Variants in DZIP3 observed in about 807,000 individuals in gnomAD.
The protein encoded by DZIP3 is DAZ interacting zinc finger protein 3.
DZIP3 carries 118 observed loss-of-function variants against 162.0 expected under a neutral mutation model. The ratio of observed to expected loss-of-function variants is 0.73; its 90% CI spans 0.63 to 0.85. The LOEUF is 0.85. Among genes scored for constraint, DZIP3 ranks in the 40% least tolerant of loss-of-function variants. The probability of loss-of-function intolerance (pLI) is 0.00; values close to 1 mark genes in which losing one functional copy is unlikely to be tolerated. For missense variants in DZIP3, 1,331 were observed against 1,407.0 expected (o/e 0.95, Z 0.86); for synonymous variants, 438 against 458.6 (o/e 0.96, Z 0.57).
rs148362932 is a variant in DZIP3, at chr3:108,594,290, G to A, written c.-73+4451G>A. Among the ~76,000 whole-genome samples, 250 of 151,124 alleles carry A rather than the reference G, an allele frequency of 1.7e-3. 1 individual carries two copies. Among genetic ancestry groups the A allele is most frequent in the African/African-American group, 5.7e-3 (235 of 41,124 alleles). ...ACTGTTGTCTTTATTAATTTCATCC[G>A]TATACATTCATCTTTTATTTACTTT... On this transcript the variant is annotated intron_variant, in intron 1 of 32. Transcript: ENST00000361582.
At chr3:108,628,179 T>TA (rs1220104590) in intron 7 of DZIP3, among the ~76,000 whole-genome samples, 2 of 151,976 alleles carry the variant, frequency 1.3e-5, no homozygotes, top group East Asian at 3.9e-4. Context: ...ACCCAGCCAG[T>TA]AGGGGAAGAT....
intron 1 of DZIP3, among the ~76,000 whole-genome samples, chr3:108,594,424 C>G (rs1164646714): frequency 8.6e-6 from 1 of 116,042 alleles, no homozygotes; most frequent in Non-Finnish European, 1.7e-5. Flanking sequence ...CCTCCCCCCT[C>G]CCTCCCTGCT....
intron 4 of DZIP3, 49 bp from the exon 5 acceptor site, chr3:108,616,492 G>A (rs1470269722): frequency 3.4e-6 from 4 of 1,189,658 alleles, no homozygotes; most frequent in Non-Finnish European, 4.9e-6. Flanking sequence ...AACATATGTA[G>A]ATGTTTGTTC....
Position 108,672,670 on chromosome 3 carries a change from G to C in DZIP3, c.2589+14G>C, listed in dbSNP as rs757269940. ...TTAACAGCCGAGGTAACAACAAAAC[G>C]GGGACAGGGGTATGGGGTGAGGGGA... On this transcript the variant is annotated intron_variant, in intron 23 of 32. Transcript: ENST00000361582. 6.2e-7 allele frequency: 1 copy of C among 1,605,742 alleles called. No homozygotes were observed. The highest frequency in any genetic ancestry group is 1.1e-5 in the South Asian group (1 of 90,660).
intron 32 of DZIP3, among the ~76,000 whole-genome samples, chr3:108,691,921 C>T (rs1372279873): frequency 6.6e-6 from 1 of 152,128 alleles, no homozygotes; most frequent in African/African-American, 2.4e-5. Context: ...TCTTTCTCCC[C>T]CATTCCTTTC....
intron 9 of DZIP3, 75 bp downstream of exon 9, chr3:108,633,147 AATT>A: frequency 4.5e-6 from 3 of 661,752 alleles, no homozygotes; most frequent in East Asian, 6.5e-5. Flanking sequence ...AAATAATAAA[AATT>A]ATATTATGTA....
In DZIP3 at chr3:108,608,144, T is replaced by C; in HGVS notation, c.88T>C (p.Ser30Pro). 1 of 1,612,616 alleles carries C rather than the reference T, an allele frequency of 6.2e-7. No individual in the cohort carries two copies. Reference sequence around the variant, plus strand: ...AGAAACTGAGAATAAGCTAGAAAAATCATCTGGTCAACTGGTAAGAGAAAG... The same window carrying C: ...AGAAACTGAGAATAAGCTAGAAAAACCATCTGGTCAACTGGTAAGAGAAAG... ...KEETENKLEK[S>P]SGQLNKQEND... The change falls in exon 3 of 33, where the codon TCA (serine) becomes CCA (proline). Residue 30 changes from serine to proline, a missense_variant. This residue lies in a region of DZIP3 where 1,278 missense variants were observed against 1,317.1 expected (regional missense o/e 0.97). Coordinates refer to ENST00000361582, the MANE Select transcript of DZIP3 (RefSeq NM_014648.4).
intron 12 of DZIP3, among the ~76,000 whole-genome samples, chr3:108,641,453 A>T (rs1483001907): frequency 6.6e-6 from 1 of 152,114 alleles, no homozygotes; most frequent in Non-Finnish European, 1.5e-5. Context: ...TACCATTAAC[A>T]GATGTTTATT....
chr3:108,596,439 T>G (rs9839212), intron 1 of DZIP3, among the ~76,000 whole-genome samples: 128,664 of 151,768 alleles, frequency 0.85, 54,956 homozygotes, highest in East Asian at 1. Flanking sequence ...GAAAAGACTT[T>G]TTAGGACTGA....
chr3:108,618,438 A>G (rs1230322637), intron 5 of DZIP3, among the ~76,000 whole-genome samples: 3 of 152,152 alleles, frequency 2.0e-5, no homozygotes, highest in South Asian at 2.1e-4. Flanking sequence ...TAGCCCTTTT[A>G]CTGTTCATAA....
At chr3:108,644,020 C>A in intron 13 of DZIP3, 144 bp from the exon 14 acceptor site, 2 of 952,180 alleles carry the variant, frequency 2.1e-6, no homozygotes, top group Non-Finnish European at 3.0e-6. Context: ...GCTAATTGAG[C>A]ACTGGCTGTG....
Position 108,662,261 on chromosome 3 carries a change from A to G in DZIP3, c.2423+4A>G. 6.3e-7 allele frequency: 1 copy of G among 1,579,210 alleles called. No homozygotes were observed. ...TTGGAATCAATAAGGTTTCCAAGTA[A>G]GTGTAAATCTTTTGATAAAGGGAAA... On this transcript the variant is annotated splice_donor_region_variant and intron_variant, in intron 21 of 32. Coordinates refer to ENST00000361582, the MANE Select transcript of DZIP3 (RefSeq NM_014648.4).
chr3:108,640,533 C>T (rs1559749882), intron 12 of DZIP3, among the ~76,000 whole-genome samples: 1 of 151,484 alleles, frequency 6.6e-6, no homozygotes, highest in Non-Finnish European at 1.5e-5. Context: ...GCAATCTCCA[C>T]CTCCCAGGTT....
At chr3:108,594,224 C>G (rs1326426638) in intron 1 of DZIP3, among the ~76,000 whole-genome samples, 1 of 151,978 alleles carries the variant, frequency 6.6e-6, no homozygotes, top group Non-Finnish European at 1.5e-5. Flanking sequence ...AACCAACTTT[C>G]ATTTTATTAA....
In DZIP3 at chr3:108,662,191, A is replaced by T. The variant is rs1332052254; in HGVS notation, c.2357A>T (p.Lys786Ile). 1.2e-6 allele frequency: 2 copies of T among 1,610,090 alleles called. No homozygotes were observed. The highest frequency in any genetic ancestry group is 3.4e-5 in the Admixed American group (2 of 58,934). The change falls in exon 21 of 33, where the codon AAA becomes ATA. Residue 786 changes from lysine to isoleucine, a missense_variant. Physicochemically the swap from Lys to Ile is moderately radical, Grantham distance 102. This residue lies in a region of DZIP3 where 1,278 missense variants were observed against 1,317.1 expected (regional missense o/e 0.97). Coordinates refer to ENST00000361582, the MANE Select transcript of DZIP3 (RefSeq NM_014648.4). ...TGGCAAGAAAACCAAATGCAGATTA[A>T]AAAGAAAGACAAAATTATCGCATCT... ...FRWQENQMQIKKKDKIIASLN... is the reference protein window; with the variant it reads ...FRWQENQMQIIKKDKIIASLN...
intron 31 of DZIP3, among the ~76,000 whole-genome samples, chr3:108,689,622 G>A (rs942253736): frequency 1.6e-4 from 25 of 152,188 alleles, no homozygotes; most frequent in Admixed American, 1.5e-3. Context: ...AGGAGGTGGT[G>A]CTTGCAGTGA....
At chr3:108,684,095 T>G in intron 26 of DZIP3, 121 bp from the exon 27 acceptor site, 1 of 1,149,658 alleles carries the variant, frequency 8.7e-7, no homozygotes, top group Non-Finnish European at 1.2e-6. Flanking sequence ...GCTTTGTATC[T>G]TGAGTTCAAA....
intron 1 of DZIP3, among the ~76,000 whole-genome samples, chr3:108,592,953 C>A (rs1213729501): frequency 6.6e-6 from 1 of 152,090 alleles, no homozygotes; most frequent in Non-Finnish European, 1.5e-5. Flanking sequence ...ATCATGTTAA[C>A]TTTGAACAGC....
At chr3:108,633,715 ATAGATC>A (rs1484888239) in intron 9 of DZIP3, among the ~76,000 whole-genome samples, 1 of 121,904 alleles carries the variant, frequency 8.2e-6, no homozygotes, top group African/African-American at 3.1e-5. Context: ...AGTACTTCTG[ATAGATC>A]TCTCTCTCTC....
Sources: allele counts gnomAD v4.1 joint callset (sites outside exome capture counted in the v4.1 genomes callset), GRCh38; gene constraint gnomAD v4.1.1; regional missense constraint gnomAD v4.1.1; transcripts MANE v1.5; gene names NCBI Gene and HGNC (gene_info 2026-07-23, HGNC 2026-07-21).